TASP1: variants seen among roughly 807,000 people sequenced by gnomAD.
The protein encoded by TASP1 is threonine aspartase 1.
A neutral mutation model predicts 56.6 loss-of-function variants in TASP1; 16 were observed. The ratio of observed to expected loss-of-function variants is 0.28; its 90% confidence interval spans 0.19 to 0.43. The LOEUF (loss-of-function observed/expected upper bound fraction) is 0.43. Ranked by LOEUF, TASP1 falls within the 20% of genes least tolerant of loss-of-function variation. The pLI is 1.00. For synonymous variants in TASP1, 179 were observed against 184.2 expected, an observed-to-expected ratio of 0.97 and a Z score of 0.23; for missense variants, 393 against 511.6, an observed-to-expected ratio of 0.77 and a Z score of 2.24.
chr20:13,310,214 A>G, the TASP1 span, among the ~76,000 whole-genome samples: 7 of 152,220 alleles, frequency 4.6e-5, no homozygotes, highest in Admixed American at 1.3e-4. Flanking sequence ...TAATCAAAAC[A>G]ACATGATACT....
chr20:13,561,610 G>A (rs984284563), intron 7 of TASP1, among the ~76,000 whole-genome samples: 11 of 152,016 alleles, frequency 7.2e-5, no homozygotes, highest in Admixed American at 3.3e-4. Context: ...CAGGTGATTC[G>A]CCCGCATCAG....
At chr20:13,293,207 CAAAA>C in the TASP1 span, among the ~76,000 whole-genome samples, 1 of 87,438 alleles carries the variant, frequency 1.1e-5, no homozygotes, top group Non-Finnish European at 2.4e-5. Context: ...GACTCCGTCT[CAAAA>C]AAAAAAAAAA....
the TASP1 span, among the ~76,000 whole-genome samples, chr20:13,196,372 T>C: frequency 6.6e-6 from 1 of 152,228 alleles, no homozygotes; most frequent in Non-Finnish European, 1.5e-5. Context: ...TAGCTATATT[T>C]GTTTTCTTAT....
rs559242702 is a variant in TASP1 at position 13,447,260 on chromosome 20, T to A, written c.986-12106A>T. The stretch of plus-strand genomic sequence containing the variant: ...TACATGAAAAATAGTAGTATCACAC[T>A]ACTGTCTTGATTTGTATTTATTTAT... On this transcript the variant is annotated intron_variant, in intron 11 of 13. Coordinates refer to ENST00000337743, the MANE Select transcript of TASP1 (RefSeq NM_017714.3). Among the ~76,000 whole-genome samples, 6 of 152,294 alleles carry A rather than the reference T, an allele frequency of 3.9e-5. No individual in the cohort carries two copies. The South Asian group carries it at 1.2e-3, about 32-fold the overall frequency.
intron 8 of TASP1, among the ~76,000 whole-genome samples, chr20:13,554,834 G>C (rs2046101202): frequency 6.6e-6 from 1 of 152,034 alleles, no homozygotes; most frequent in Non-Finnish European, 1.5e-5. Flanking sequence ...TAATCTTTTG[G>C]CTGGTGAAGG....
At chr20:13,417,548 C>T (rs758741866) in intron 12 of TASP1, 27 bp from the exon 13 acceptor site, 1 of 1,611,736 alleles carries the variant, frequency 6.2e-7, no homozygotes, top group Non-Finnish European at 8.5e-7. Context: ...CACAAATAGG[C>T]ACATTCAGAT....
chr20:13,288,031 T>C, the TASP1 span, among the ~76,000 whole-genome samples: 7 of 152,294 alleles, frequency 4.6e-5, no homozygotes, highest in Non-Finnish European at 8.8e-5. Flanking sequence ...TCTCTGTCCA[T>C]GTGATGTCCC....
At chr20:13,453,490 G>A (rs1403377261) in intron 11 of TASP1, among the ~76,000 whole-genome samples, 1 of 152,068 alleles carries the variant, frequency 6.6e-6, no homozygotes, top group Non-Finnish European at 1.5e-5. Flanking sequence ...TAGACCTGGA[G>A]ATCTCATGGT....
At chr20:13,253,657 C>T in the TASP1 span, among the ~76,000 whole-genome samples, 8 of 152,072 alleles carry the variant, frequency 5.3e-5, no homozygotes, top group South Asian at 2.1e-4. Flanking sequence ...GGATAGGACC[C>T]GAGAATCAGC....
chr20:13,223,712 T>C, the TASP1 span, among the ~76,000 whole-genome samples: 5 of 152,318 alleles, frequency 3.3e-5, no homozygotes, highest in South Asian at 1.0e-3. Context: ...TGAGGGAATT[T>C]CTATGCGGAA....
At chr20:13,590,359 G>A (rs2047477615) in intron 4 of TASP1, among the ~76,000 whole-genome samples, 1 of 152,164 alleles carries the variant, frequency 6.6e-6, no homozygotes, top group African/African-American at 2.4e-5. Flanking sequence ...AACACATGTT[G>A]GGAAGGATGT....
At chr20:13,120,313 A>T in the TASP1 span, among the ~76,000 whole-genome samples, 1 of 152,214 alleles carries the variant, frequency 6.6e-6, no homozygotes, top group East Asian at 1.9e-4. Context: ...ATTGCAAAAT[A>T]GCTAGGATTC....
intron 10 of TASP1, among the ~76,000 whole-genome samples, chr20:13,503,612 T>C (rs140643508): frequency 7.3e-4 from 109 of 149,698 alleles, no homozygotes; most frequent in African/African-American, 2.6e-3. Context: ...ATCCCATTAA[T>C]TGATCAAAAA....
At chr20:13,585,961 C>G (rs1392755909) in intron 5 of TASP1, among the ~76,000 whole-genome samples, 1 of 151,888 alleles carries the variant, frequency 6.6e-6, no homozygotes, top group Non-Finnish European at 1.5e-5. Flanking sequence ...ATGGTGAAAC[C>G]CTGTTTCTAC....
chr20:13,539,957 G>A (rs2045561506), intron 8 of TASP1, among the ~76,000 whole-genome samples: 2 of 94,072 alleles, frequency 2.1e-5, no homozygotes, highest in African/African-American at 6.2e-5. Flanking sequence ...AGTGATGGTA[G>A]AGATCACACG....
At chr20:13,490,545 C>A (rs1415145890) in intron 10 of TASP1, among the ~76,000 whole-genome samples, 1 of 152,196 alleles carries the variant, frequency 6.6e-6, no homozygotes. Context: ...TTACAAAAAG[C>A]TTCTGTAACT....
At chr20:13,345,410 C>T in the TASP1 span, among the ~76,000 whole-genome samples, 585 of 152,268 alleles carry the variant, frequency 3.8e-3, 5 homozygotes, top group African/African-American at 0.014. Flanking sequence ...GGAACCAGCT[C>T]GCAAGGCAAT....
At chr20:13,461,970 T>C (rs1030523461) in intron 11 of TASP1, among the ~76,000 whole-genome samples, 5 of 152,110 alleles carry the variant, frequency 3.3e-5, no homozygotes, top group Non-Finnish European at 5.9e-5. Context: ...AGCTAAGAAA[T>C]TGTTTCTCAG....
intron 10 of TASP1, among the ~76,000 whole-genome samples, chr20:13,502,492 T>C (rs1219159135): frequency 2.0e-5 from 3 of 152,148 alleles, no homozygotes; most frequent in African/African-American, 4.8e-5. Context: ...CATAGACCTA[T>C]AGGTCAATAA....
Sources: allele counts gnomAD v4.1 joint callset (sites outside exome capture counted in the v4.1 genomes callset), GRCh38; gene constraint gnomAD v4.1.1; transcripts MANE v1.5; gene names NCBI Gene and HGNC (gene_info 2026-07-23, HGNC 2026-07-21).